ARHGEF10: variants seen among roughly 807,000 people sequenced by gnomAD.
The protein encoded by ARHGEF10 is Rho guanine nucleotide exchange factor (GEF) 10.
A neutral mutation model predicts 147.4 loss-of-function variants in ARHGEF10; 140 were observed. The observed-to-expected ratio is 0.95, with a 90% CI of 0.83 to 1.09. The LOEUF (loss-of-function observed/expected upper bound fraction) is 1.09, where lower values mean the gene tolerates loss of function less well. Ranked by LOEUF, ARHGEF10 falls within the 50% of genes least tolerant of loss-of-function variation. ARHGEF10 has a pLI of 0.00. For synonymous variants in ARHGEF10, 902 were observed against 695.8 expected, an observed-to-expected ratio of 1.30 and a Z score of -4.67; for missense variants, 2,222 against 1,752.7, an observed-to-expected ratio of 1.27 and a Z score of -4.78.
chr8:1,849,657 G>A (rs1358765136), intron 2 of ARHGEF10, among the ~76,000 whole-genome samples: 2 of 149,792 alleles, frequency 1.3e-5, no homozygotes, highest in Non-Finnish European at 3.0e-5. Context: ...CAAATGCTGA[G>A]GAGGGCGTGG....
chr8:1,914,793 T>C (rs1260932177), intron 18 of ARHGEF10, among the ~76,000 whole-genome samples: 4 of 152,220 alleles, frequency 2.6e-5, no homozygotes, highest in African/African-American at 9.6e-5. Flanking sequence ...CGTGTGGATT[T>C]GCAGGTCCTT....
At chr8:1,861,434 A>G (rs1161319243) in intron 4 of ARHGEF10, among the ~76,000 whole-genome samples, 1 of 152,210 alleles carries the variant, frequency 6.6e-6, no homozygotes, top group Non-Finnish European at 1.5e-5. Flanking sequence ...GACCCAGTCG[A>G]GGCGTCTCAG....
chr8:1,831,210 T>G (rs1803077651), intron 1 of ARHGEF10, among the ~76,000 whole-genome samples: 1 of 150,432 alleles, frequency 6.6e-6, no homozygotes, highest in Admixed American at 6.6e-5. Flanking sequence ...GGAGGGACAG[T>G]GTGTGGCAGC....
rs1458242195 is a variant in ARHGEF10 at position 1,957,980 on chromosome 8, T to C, written c.*717T>C. 1.8e-4 allele frequency: 27 copies of C among 152,294 alleles called. No individual in the cohort carries two copies. Among genetic ancestry groups the C allele is most frequent in the Admixed American group, 1.8e-3 (27 of 15,290 alleles). 9.4% of individuals were successfully genotyped at this position (152,294 alleles called of 1,614,324 possible). Reference sequence around the variant, plus strand: ...TAATGTTTGCTTTGAACCAAAATGCTCAGTGCCTATCAACATTTGGACTCA... The same window carrying C: ...TAATGTTTGCTTTGAACCAAAATGCCCAGTGCCTATCAACATTTGGACTCA... On this transcript the variant is annotated 3_prime_UTR_variant, in exon 29 of 29. Coordinates refer to ENST00000349830, the MANE Select transcript of ARHGEF10 (RefSeq NM_014629.4).
At chr8:1,889,913 AGGAGGCAG>A (rs1809305028) in intron 11 of ARHGEF10, among the ~76,000 whole-genome samples, 1 of 124,494 alleles carries the variant, frequency 8.0e-6, no homozygotes, top group Non-Finnish European at 1.7e-5. Context: ...GAACTTTGTT[AGGAGGCAG>A]TGAGTGGGGC....
At position 1,928,569 on chromosome 8, in the gene ARHGEF10, C is replaced by T; in HGVS notation, c.2840C>T (p.Pro947Leu). 5.0e-6 allele frequency: 8 copies of T among 1,614,242 alleles called. No homozygotes were observed. Among genetic ancestry groups the T allele is most frequent in the Non-Finnish European group, 6.8e-6 (8 of 1,180,050 alleles). ...CCCGTCGAGGAGAAGCGCAGAGAGC[C>T]TGGGGCACCCCCGGACCCCGAGACC... ...YVPVEEKRRE[P>L]GAPPDPETPA... Residue 947 changes from proline to leucine, a missense_variant, in exon 24 of 29, where the codon CCT becomes CTT. Pro to Leu is a moderately conservative substitution (Grantham distance 98). Transcript: ENST00000349830.
At chr8:1,874,893 C>CACGGCATGTA (rs1807542390) in intron 7 of ARHGEF10, among the ~76,000 whole-genome samples, 1 of 34,660 alleles carries the variant, frequency 2.9e-5, no homozygotes, top group African/African-American at 1.2e-4. Flanking sequence ...CAGACACACC[C>CACGGCATGTA]GGGGCCGTGT....
intron 21 of ARHGEF10, among the ~76,000 whole-genome samples, chr8:1,924,151 A>G (rs902891197): frequency 2.0e-5 from 3 of 152,318 alleles, no homozygotes; most frequent in African/African-American, 7.2e-5. Context: ...AACACAGAGG[A>G]AGCCCGTGGA....
At chr8:1,954,369 T>C (rs190428122) in intron 28 of ARHGEF10, among the ~76,000 whole-genome samples, 9 of 152,222 alleles carry the variant, frequency 5.9e-5, no homozygotes, top group Admixed American at 2.6e-4. Context: ...CCAAATTCTG[T>C]GTCGACGTGA....
In ARHGEF10 at chr8:1,897,860, T is replaced by A. The variant is rs556388106; in HGVS notation, c.1558-573T>A. ...AGACTCTCTCATCCCATTTCATTGC[T>A]CCAGGACCTGAGCCCCAAAGAGTCG... On this transcript the variant is annotated intron_variant, in intron 14 of 28. Coordinates refer to ENST00000349830, the MANE Select transcript of ARHGEF10 (RefSeq NM_014629.4). Among the ~76,000 whole-genome samples the A allele has an allele frequency of 2.0e-3, 302 of 152,200 alleles. 1 individual carries two copies. Among genetic ancestry groups the A allele is most frequent in the Admixed American group, 5.0e-3 (76 of 15,288 alleles).
chr8:1,942,673 C>T (rs900671201), intron 26 of ARHGEF10, among the ~76,000 whole-genome samples: 6 of 152,114 alleles, frequency 3.9e-5, no homozygotes, highest in South Asian at 4.1e-4. Context: ...AGTCAAAAAG[C>T]GGATGCAGTC....
intron 11 of ARHGEF10, among the ~76,000 whole-genome samples, chr8:1,886,080 T>C (rs1808634687): frequency 6.6e-6 from 1 of 152,230 alleles, no homozygotes; most frequent in Non-Finnish European, 1.5e-5. Flanking sequence ...TATGTGTATG[T>C]AGCTACCTGA....
chr8:1,836,622 G>A (rs867963774), intron 1 of ARHGEF10, among the ~76,000 whole-genome samples: 9 of 152,076 alleles, frequency 5.9e-5, no homozygotes, highest in African/African-American at 2.2e-4. Flanking sequence ...AGCAGGCTGT[G>A]GGGGGGAGAA....
intron 14 of ARHGEF10, among the ~76,000 whole-genome samples, chr8:1,897,290 C>T (rs1354234159): frequency 6.6e-6 from 1 of 152,260 alleles, no homozygotes; most frequent in Non-Finnish European, 1.5e-5. Flanking sequence ...GCTCCTGCTC[C>T]TCCTGGAGCA....
intron 1 of ARHGEF10, among the ~76,000 whole-genome samples, chr8:1,825,536 C>T (rs899623907): frequency 2.7e-5 from 4 of 150,060 alleles, no homozygotes; most frequent in African/African-American, 4.9e-5. Context: ...CCCCACAGCC[C>T]GCTGGTGCCC....
rs776566906 is a variant in ARHGEF10 at position 1,880,170 on chromosome 8, G to A, written c.960+6G>A. On this transcript the variant is annotated splice_donor_region_variant and intron_variant, in intron 9 of 28. Coordinates refer to ENST00000349830, the MANE Select transcript of ARHGEF10 (RefSeq NM_014629.4). ...GGCAGAAGCATGAACTGAAGGTAGAGTCTTGCCCCCGGCCGCTGCCCCCAC... is the reference window on the plus strand; with the variant it reads ...GGCAGAAGCATGAACTGAAGGTAGAATCTTGCCCCCGGCCGCTGCCCCCAC... 3 of 1,606,208 alleles carry A rather than the reference G, an allele frequency of 1.9e-6. No individual in the cohort carries two copies. Among genetic ancestry groups the A allele is most frequent in the Non-Finnish European group, 2.6e-6 (3 of 1,173,188 alleles).
At chr8:1,908,099 C>A (rs78027895) in intron 17 of ARHGEF10, among the ~76,000 whole-genome samples, 9,666 of 152,140 alleles carry the variant, frequency 0.064, 509 homozygotes, top group East Asian at 0.27. Context: ...TGGATGTCCT[C>A]ATGGAGGGCA....
intron 2 of ARHGEF10, among the ~76,000 whole-genome samples, chr8:1,844,903 C>T (rs1804433789): frequency 6.6e-6 from 1 of 151,986 alleles, no homozygotes; most frequent in Non-Finnish European, 1.5e-5. Context: ...CCCATATCTG[C>T]AAAAAGAATA....
intron 13 of ARHGEF10, among the ~76,000 whole-genome samples, chr8:1,895,650 A>C (rs1809908730): frequency 6.6e-6 from 1 of 152,168 alleles, no homozygotes; most frequent in Admixed American, 6.6e-5. Flanking sequence ...TTAAAAATGC[A>C]AACAGATTTT....
Sources: gnomAD v4.1 joint callset for allele counts (sites outside exome capture counted in the v4.1 genomes callset) on GRCh38, gnomAD v4.1.1 for gene constraint, MANE v1.5 for transcripts, NCBI Gene and HGNC (gene_info 2026-07-23, HGNC 2026-07-21) for gene names.